LMF1: variants seen among roughly 807,000 people sequenced by gnomAD.
LMF1 encodes the protein transmembrane protein 112.
Under a neutral mutation model 60.6 loss-of-function variants are expected in LMF1, and 68 were observed. The observed-to-expected ratio is 1.12, with a 90% CI of 0.92 to 1.37. LMF1 has a LOEUF of 1.37. Among genes scored for constraint, LMF1 ranks in the 40% most tolerant of loss-of-function variants. LMF1 has a pLI of 0.00. For synonymous variants in LMF1, 418 were observed against 324.7 expected (o/e 1.29, Z -3.09); for missense variants, 948 against 767.2 (o/e 1.24, Z -2.78).
At chr16:910,840 G>C in intron 4 of LMF1, 91 bp downstream of exon 4, 1 of 1,530,816 alleles carries the variant, frequency 6.5e-7, no homozygotes, top group South Asian at 1.2e-5. Context: ...CGGCGGGGGA[G>C]GAAGGAAACA....
chr16:894,704 G>A (rs530191944), intron 4 of LMF1, among the ~76,000 whole-genome samples: 5 of 152,236 alleles, frequency 3.3e-5, no homozygotes, highest in Non-Finnish European at 7.3e-5. Flanking sequence ...CTGGGCTGCA[G>A]GTAGCGCTGT....
At chr16:870,626 G>T in intron 8 of LMF1, 103 bp downstream of exon 8, 1 of 1,353,370 alleles carries the variant, frequency 7.4e-7, no homozygotes. Flanking sequence ...GGGGACACTT[G>T]GGGTCATGGG....
Position 970,961 on chromosome 16 carries a change from G to A in LMF1, c.20C>T (p.Thr7Ile). The A allele has an allele frequency of 2.0e-6, 3 of 1,532,006 alleles. No homozygotes were observed. Among genetic ancestry groups the A allele is most frequent in the Non-Finnish European group, 2.6e-6 (3 of 1,134,574 alleles). The allele number at this position is 1,532,006 out of a possible 1,614,324, so 94.9% of individuals were successfully genotyped here. A position where few individuals can be genotyped will look rare whatever the true frequency, so the allele number is the denominator to read the frequency against. MRPDSP[T>I]MAAPAESLRR... is the part of the protein sequence containing the mutation. ...CAGCGACTCCGCGGGCGCCGCCATT[G>A]TTGGGCTGTCAGGGCGCATGTGCGG... is the stretch of plus-strand genomic sequence containing the variant. Residue 7 changes from threonine to isoleucine, a missense_variant, in exon 1 of 11, where the codon ACA (threonine) becomes ATA (isoleucine). Thr to Ile is a moderately conservative substitution (Grantham distance 89, BLOSUM62 -1). Transcript: ENST00000262301.
chr16:976,442 G>A (rs527485780), intron 1 of LMF1: 18 of 454,120 alleles, frequency 4.0e-5, no homozygotes, highest in African/African-American at 1.0e-4. Flanking sequence ...CAACGGAAGC[G>A]TTGATTCCAA....
At chr16:935,273 T>C (rs1282722253) in intron 2 of LMF1, among the ~76,000 whole-genome samples, 2 of 152,126 alleles carry the variant, frequency 1.3e-5, no homozygotes, top group African/African-American at 4.8e-5. Context: ...CTAATTTTTG[T>C]ATTTTCTATA....
At position 859,036 on chromosome 16, in the gene LMF1, A is replaced by G. The variant is rs1181984328; in HGVS notation, c.1530-4330T>C. Among the ~76,000 whole-genome samples, 2 of 20,346 alleles carry G rather than the reference A, an allele frequency of 9.8e-5. 1 individual carries two copies. The highest frequency in any genetic ancestry group is 1.2e-3 in the Admixed American group (2 of 1,644). 13.3% of individuals were successfully genotyped at this position (20,346 alleles called of 152,430 possible). Reference sequence around the variant, plus strand: ...GCAGTGGTGTCACGGGACGGGTGTGAGTGATGTCACGGGACGGGTGTGAGT... The same window carrying G: ...GCAGTGGTGTCACGGGACGGGTGTGGGTGATGTCACGGGACGGGTGTGAGT... On this transcript the variant is annotated intron_variant, in intron 10 of 10. Coordinates refer to ENST00000262301, the MANE Select transcript of LMF1 (RefSeq NM_022773.4).
chr16:947,125 G>A (rs1406637311), intron 2 of LMF1, among the ~76,000 whole-genome samples: 6 of 152,344 alleles, frequency 3.9e-5, no homozygotes, highest in East Asian at 1.9e-4. Context: ...ACCATGACCC[G>A]GCTGACAGAA....
Position 950,135 on chromosome 16 carries a change from A to G in LMF1, c.503+4222T>C, listed in dbSNP as rs559448279. On this transcript the variant is annotated intron_variant, in intron 2 of 10. Transcript: ENST00000262301. ...GTCAGAGACGAAAGACTCAGAGCCAATGACAGAGTCAGAGCCAATGACAGA... is the reference window on the plus strand; with the variant it reads ...GTCAGAGACGAAAGACTCAGAGCCAGTGACAGAGTCAGAGCCAATGACAGA... Among the ~76,000 whole-genome samples, 114 of 103,638 alleles carry G rather than the reference A, an allele frequency of 1.1e-3. 29 individuals are homozygous for G. The highest frequency in any genetic ancestry group is 2.0e-3 in the Non-Finnish European group (109 of 54,940). 68.0% of individuals were successfully genotyped at this position (103,638 alleles called of 152,430 possible).
At position 867,423 on chromosome 16, in the gene LMF1, C is replaced by A. The variant is rs947623349; in HGVS notation, c.1529+1521G>T. 2.0e-5 allele frequency among the ~76,000 whole-genome samples: 3 copies of A among 152,214 alleles called. No individual in the cohort carries two copies. The East Asian group carries it at 5.8e-4, about 29-fold the overall frequency. On this transcript the variant is annotated intron_variant, in intron 10 of 10. Coordinates refer to ENST00000262301, the MANE Select transcript of LMF1 (RefSeq NM_022773.4). The stretch of plus-strand genomic sequence containing the variant: ...TCCTCTGGGCCAGCTCCAGGGTCCC[C>A]AGGCACCGAGGAGGCTGCGATCTGG...
chr16:940,585 C>G (rs1486588570), intron 2 of LMF1, among the ~76,000 whole-genome samples: 1 of 152,178 alleles, frequency 6.6e-6, no homozygotes, highest in Non-Finnish European at 1.5e-5. Context: ...CCAGAAGAGA[C>G]CAGACAACTA....
At chr16:873,954 G>A (rs1001707724) in intron 6 of LMF1, 5 of 152,452 alleles carry the variant, frequency 3.3e-5, no homozygotes, top group African/African-American at 1.2e-4. Flanking sequence ...CTGGACGGAG[G>A]CCGCACATTG....
At chr16:947,993 G>C (rs1249108867) in intron 2 of LMF1, among the ~76,000 whole-genome samples, 3 of 151,710 alleles carry the variant, frequency 2.0e-5, no homozygotes, top group Non-Finnish European at 4.4e-5. Context: ...CAGAGTCAGA[G>C]CCAACGACAG....
In LMF1 at chr16:874,380, G is replaced by A. The variant is rs144187458; in HGVS notation, c.898-3039C>T. ...GGGGTGGGGTGGGGCCGGACAGCCC[G>A]CTGTGGGCAGGCGCCTCAGAGGTTC... On this transcript the variant is annotated intron_variant, in intron 6 of 10. Transcript: ENST00000262301. The surrounding 1 kb of genome is among the most constrained non-coding windows in gnomAD (Gnocchi z 4.1). Among the ~76,000 whole-genome samples the A allele has an allele frequency of 7.0e-4, 106 of 152,274 alleles. No homozygotes were observed. Among genetic ancestry groups the A allele is most frequent in the Non-Finnish European group, 1.4e-3 (95 of 68,002 alleles).
At position 970,919 on chromosome 16, in the gene LMF1, C is replaced by T. The variant is rs762530099; in HGVS notation, c.62G>A (p.Gly21Glu). 98 of 1,579,426 alleles carry T rather than the reference C, an allele frequency of 6.2e-5. 1 individual carries two copies. The South Asian group carries it at 6.2e-4, about 10-fold the overall frequency. The change falls in exon 1 of 11, where the codon GGG (glycine) becomes GAG (glutamate). Residue 21 changes from glycine (G) to glutamate (E), a missense_variant. Physicochemically the swap from Gly to Glu is moderately conservative, Grantham distance 98. Transcript: ENST00000262301. Reference protein sequence around the residue: ...PAESLRRRKTGYSDPEPESPP... With the variant: ...PAESLRRRKTEYSDPEPESPP... ...CGACTCAGGCTCCGGATCCGAGTACCCAGTCTTCCGCCTCCTCAGCGACTC... is the reference window on the plus strand; with the variant it reads ...CGACTCAGGCTCCGGATCCGAGTACTCAGTCTTCCGCCTCCTCAGCGACTC...
intron 1 of LMF1, among the ~76,000 whole-genome samples, 159 bp downstream of exon 1, chr16:970,629 C>G (rs754292592): frequency 1.2e-3 from 187 of 152,194 alleles, no homozygotes; most frequent in Non-Finnish European, 2.1e-3. Flanking sequence ...AAGCCTTGTC[C>G]TGCCCTGCCC....
intron 6 of LMF1, among the ~76,000 whole-genome samples, chr16:877,544 AAAC>A (rs1479183150): frequency 2.6e-5 from 4 of 152,210 alleles, no homozygotes; most frequent in East Asian, 3.9e-4. Context: ...GTTACAGACG[AAAC>A]AACAAGTCAT....
chr16:871,057 C>T (rs1024655003), intron 7 of LMF1, 104 bp downstream of exon 7: 12 of 1,412,674 alleles, frequency 8.5e-6, no homozygotes, highest in African/African-American at 4.3e-5. Context: ...GGCGCTGACT[C>T]TCCTCCTACC....
chr16:935,831 C>T (rs1457221889), intron 2 of LMF1, among the ~76,000 whole-genome samples: 1 of 152,328 alleles, frequency 6.6e-6, no homozygotes, highest in East Asian at 1.9e-4. Flanking sequence ...TTGAATATGT[C>T]TGTGATTTTC....
chr16:871,246 C>T lies in LMF1; in HGVS notation c.993G>A (p.Leu331=), dbSNP rs778157817. 1.2e-5 allele frequency: 20 copies of T among 1,612,412 alleles called. No homozygotes were observed. The South Asian group carries it at 1.4e-4, about 12-fold the overall frequency. The change falls in exon 7 of 11, where the codon TTG becomes TTA. Residue 331 remains leucine, a synonymous_variant. Transcript: ENST00000262301. The part of the protein sequence containing the change: ...ACFDDATLGF[L]FPSGPGSLKD... Reference sequence around the variant, plus strand: ...TCAGGCTGCCTGGCCCAGAGGGGAACAAGAATCCCAGGGTGGCGTCATCAA... The same window carrying T: ...TCAGGCTGCCTGGCCCAGAGGGGAATAAGAATCCCAGGGTGGCGTCATCAA...
Sources: allele counts gnomAD v4.1 joint callset (sites outside exome capture counted in the v4.1 genomes callset), GRCh38; gene constraint gnomAD v4.1.1; non-coding constraint Gnocchi (gnomAD v3.1); transcripts MANE v1.5; gene names NCBI Gene and HGNC (gene_info 2026-07-23, HGNC 2026-07-21).